The following MEIS3 variants were observed in gnomAD, a reference collection of about 807,000 sequenced individuals.
MEIS3 encodes the protein Meis homeobox 3.
Under a neutral mutation model 51.4 loss-of-function variants are expected in MEIS3, and 38 were observed. The observed-to-expected ratio is 0.74, with a 90% CI of 0.57 to 0.97. MEIS3 has a LOEUF of 0.97. Ranked by LOEUF, MEIS3 falls within the 50% of genes least tolerant of loss-of-function variation. The probability of loss-of-function intolerance (pLI) is 0.00; values close to 1 mark genes in which losing one functional copy is unlikely to be tolerated. For missense variants in MEIS3, 456 were observed against 502.6 expected, an observed-to-expected ratio of 0.91 and a Z score of 0.89; for synonymous variants, 198 against 201.8, an observed-to-expected ratio of 0.98 and a Z score of 0.16.
rs113578997 is a variant in MEIS3, at chr19:47,416,540, G to C, written c.396+112C>G. ...TGGGCAACAATCATGACGGTTTGGG[G>C]ACATGGACCAGGTGGCCTTCTCTCT... On this transcript the variant is annotated intron_variant, in intron 4 of 12. Transcript: ENST00000558555. 30 of 839,910 alleles carry C rather than the reference G, an allele frequency of 3.6e-5. No homozygotes were observed. In the South Asian group the frequency reaches 5.2e-4, roughly 15 times the overall value. 52.0% of individuals were successfully genotyped at this position (839,910 alleles called of 1,614,324 possible).
chr19:47,407,198 C>A, intron 9 of MEIS3, 61 bp from the exon 10 acceptor site: 1 of 1,561,014 alleles, frequency 6.4e-7, no homozygotes, highest in Non-Finnish European at 8.7e-7. Flanking sequence ...GAGGCCAAGA[C>A]GAACACAGAG....
At chr19:47,414,930 C>CGGG (rs1568427148) in intron 5 of MEIS3, 64 bp from the exon 6 acceptor site, 7 of 759,764 alleles carry the variant, frequency 9.2e-6, no homozygotes, top group Non-Finnish European at 1.3e-5. Context: ...TGCTCAGGGA[C>CGGG]GGGGGCGGCA....
chr19:47,404,779 T>TG (rs1424435092), intron 12 of MEIS3, among the ~76,000 whole-genome samples: 16 of 152,204 alleles, frequency 1.1e-4, no homozygotes, highest in Non-Finnish European at 2.2e-4. Flanking sequence ...CTCCAGTTCC[T>TG]TGGCTTCACC....
intron 4 of MEIS3, 37 bp downstream of exon 4, chr19:47,416,615 T>C (rs1971422665): frequency 1.4e-6 from 2 of 1,457,228 alleles, no homozygotes; most frequent in African/African-American, 1.4e-5. Flanking sequence ...AGGAGACCCA[T>C]TGGAGGAGGG....
upstream of MEIS3, among the ~76,000 whole-genome samples, chr19:47,420,581 CAG>C (rs531892660): frequency 1.9e-3 from 164 of 87,462 alleles, no homozygotes; most frequent in Middle Eastern, 7.4e-3. Flanking sequence ...GAGGTGCAGA[CAG>C]AGTGAGACAG....
chr19:47,405,753 T>G lies in MEIS3; in HGVS notation c.*17+707A>C, dbSNP rs1970784609. 2.0e-5 allele frequency among the ~76,000 whole-genome samples: 3 copies of G among 152,216 alleles called. 1 individual carries two copies. In the South Asian group the frequency reaches 6.2e-4, roughly 32 times the overall value. On this transcript the variant is annotated intron_variant, in intron 12 of 12. Coordinates refer to ENST00000558555, the MANE Select transcript of MEIS3 (RefSeq NM_001301059.2). ...TTAGTAGAGACAGGGTTTTACCATG[T>G]TGGCCAGGCTGGTCTCGAACTTCTG...
In MEIS3 at chr19:47,419,056, GC is replaced by G; in HGVS notation, c.12+13del. 1 of 1,244,546 alleles carries G rather than the reference GC, an allele frequency of 8.0e-7. No homozygotes were observed. The highest frequency in any genetic ancestry group is 4.2e-5 in the Admixed American group (1 of 23,824). 77.1% of individuals were successfully genotyped at this position (1,244,546 alleles called of 1,614,324 possible). On this transcript the variant is annotated intron_variant, in intron 1 of 12. Transcript: ENST00000558555. ...GAAGCGGCCGGGACGCGGGGTCCCCGCCCCGAGACCTACCCTCCGGGCCATG... is the reference window on the plus strand; with the variant it reads ...GAAGCGGCCGGGACGCGGGGTCCCCGCCCGAGACCTACCCTCCGGGCCATG...
upstream of MEIS3, among the ~76,000 whole-genome samples, chr19:47,420,945 CTCTCTCTCT>C (rs1971694472): frequency 1.7e-5 from 2 of 116,724 alleles, no homozygotes; most frequent in Non-Finnish European, 3.6e-5. Flanking sequence ...CACACACTCT[CTCTCTCTCT>C]CTCTCTCTCT....
In MEIS3 at chr19:47,419,253, G is replaced by T; in HGVS notation, c.-172C>A. The T allele has an allele frequency of 2.9e-6, 1 of 340,008 alleles. No homozygotes were observed. The highest frequency in any genetic ancestry group is 5.0e-5 in the Admixed American group (1 of 19,850). 21.1% of individuals were successfully genotyped at this position (340,008 alleles called of 1,614,324 possible). A position where few individuals can be genotyped will look rare whatever the true frequency, so the allele number is the denominator to read the frequency against. On this transcript the variant is annotated 5_prime_UTR_variant, in exon 1 of 13. Transcript: ENST00000558555. ...CCGTCAGCGGCAGGCGCCGGGCCGG[G>T]TGGGGACTCCGCGCATGGACCCCGG...
chr19:47,415,571 C>CT (rs1245407799), intron 4 of MEIS3, among the ~76,000 whole-genome samples: 5,478 of 122,066 alleles, frequency 0.045, 262 homozygotes, highest in African/African-American at 0.082. Context: ...CTCTCTCTCT[C>CT]TCTTTTTTTT....
At position 47,412,814 on chromosome 19, in the gene MEIS3, C is replaced by T. The variant is rs1268192864; in HGVS notation, c.597+1903G>A. Among the ~76,000 whole-genome samples the T allele has an allele frequency of 4.0e-5, 6 of 151,780 alleles. No homozygotes were observed. The South Asian group carries it at 6.3e-4, about 16-fold the overall frequency. On this transcript the variant is annotated intron_variant, in intron 6 of 12. Transcript: ENST00000558555. ...CAAACTCCTGACCTCGTGATCTGCC[C>T]ACCTCAGCCTCCCAAAGTGCTGGGA...
At chr19:47,412,035 G>C (rs991724104) in intron 6 of MEIS3, among the ~76,000 whole-genome samples, 1 of 151,726 alleles carries the variant, frequency 6.6e-6, no homozygotes, top group African/African-American at 2.4e-5. Context: ...GGATTTCACA[G>C]TTTGTCCAGA....
intron 12 of MEIS3, chr19:47,406,131 T>A (rs1253972141): frequency 4.4e-6 from 1 of 225,046 alleles, no homozygotes; most frequent in East Asian, 1.0e-4. Flanking sequence ...GGTGAATGTG[T>A]GGTCAGATGG....
rs752156570 is a variant in MEIS3 at position 47,406,907 on chromosome 19, G to A, written c.1059C>T (p.His353=). Residue 353 remains histidine (H), a synonymous_variant, in exon 11 of 13, where the codon CAC becomes CAT. Transcript: ENST00000558555. ...GCTTACCCGGAGGCCGGACGGCCAC[G>A]TGTGGCTGCGTCTCGGTATAGCCCC... ...PIGGYTETQP[H]VAVRPPGSVG... The A allele has an allele frequency of 8.9e-6, 14 of 1,576,564 alleles. No homozygotes were observed. In the East Asian group the frequency reaches 2.8e-4, roughly 31 times the overall value.
chr19:47,409,620 T>C (rs927374856), intron 6 of MEIS3, 73 bp from the exon 7 acceptor site: 7 of 1,044,704 alleles, frequency 6.7e-6, no homozygotes, highest in Middle Eastern at 2.8e-4. Flanking sequence ...TCCCAGCACT[T>C]TGGGAGGCCA....
intron 1 of MEIS3, chr19:47,417,553 C>A: frequency 1.4e-6 from 1 of 715,700 alleles, no homozygotes. Context: ...GTGAGGACCC[C>A]GTCCAGGCAG....
chr19:47,420,173 G>A (rs1002461613), upstream of MEIS3, among the ~76,000 whole-genome samples: 4 of 152,190 alleles, frequency 2.6e-5, no homozygotes, highest in African/African-American at 4.8e-5. Context: ...CAAGGCCGGC[G>A]CACCCCAGAT....
At position 47,406,933 on chromosome 19, in the gene MEIS3, C is replaced by A; in HGVS notation, c.1033G>T (p.Gly345Trp). 6.3e-7 allele frequency: 1 copy of A among 1,579,204 alleles called. No homozygotes were observed. Among genetic ancestry groups the A allele is most frequent in the Admixed American group, 1.8e-5 (1 of 55,204 alleles). Residue 345 changes from glycine to tryptophan, a missense_variant, in exon 11 of 13, where the codon GGG becomes TGG. By Grantham distance (184) the Gly-to-Trp change is radical. Coordinates refer to ENST00000558555, the MANE Select transcript of MEIS3 (RefSeq NM_001301059.2). ...TGTGGCTGCGTCTCGGTATAGCCCC[C>A]GATGGGCTGGCCCTCTGGGCTGAAG... ...AAFSPEGQPIGGYTETQPHVA... is the reference protein window; with the variant it reads ...AAFSPEGQPIWGYTETQPHVA...
chr19:47,406,293 G>T, intron 12 of MEIS3, 167 bp downstream of exon 12: 1 of 547,372 alleles, frequency 1.8e-6, no homozygotes, highest in Non-Finnish European at 3.3e-6. Flanking sequence ...ATGGATGGAT[G>T]GATGGACGGA....
Sources: allele counts gnomAD v4.1 joint callset (sites outside exome capture counted in the v4.1 genomes callset), GRCh38; gene constraint gnomAD v4.1.1; transcripts MANE v1.5; gene names NCBI Gene and HGNC (gene_info 2026-07-23, HGNC 2026-07-21).